Variants in RTN1 observed in about 807,000 individuals in gnomAD.
RTN1 encodes the protein reticulon 1.
Under a neutral mutation model 65.5 loss-of-function variants are expected in RTN1, and 25 were observed. That is an observed-to-expected ratio of 0.38 (90% CI 0.28 to 0.53). The LOEUF is 0.53. Among genes scored for constraint, RTN1 ranks in the 20% least tolerant of loss-of-function variants. RTN1 has a pLI of 0.79. For missense variants in RTN1, 983 were observed against 1,025.4 expected (o/e 0.96, Z 0.57); for synonymous variants, 471 against 447.6 (o/e 1.05, Z -0.66).
At chr14:59,624,743 T>C (rs1057083471) in intron 3 of RTN1, among the ~76,000 whole-genome samples, 2 of 152,248 alleles carry the variant, frequency 1.3e-5, no homozygotes, top group African/African-American at 4.8e-5. Context: ...ATTACAGGCG[T>C]GAGCCAACTG....
intron 1 of RTN1, among the ~76,000 whole-genome samples, chr14:59,768,541 T>C (rs1276060689): frequency 6.6e-6 from 1 of 152,128 alleles, no homozygotes; most frequent in Admixed American, 6.5e-5. Context: ...GAGCCCTGGA[T>C]TGTGTGTAGA....
chr14:59,683,558 T>C (rs1342986110), intron 3 of RTN1, among the ~76,000 whole-genome samples: 1 of 152,150 alleles, frequency 6.6e-6, no homozygotes, highest in Non-Finnish European at 1.5e-5. Flanking sequence ...TCACAAATGA[T>C]GGCTTTTTAC....
At chr14:59,810,613 T>A (rs996539277) in intron 1 of RTN1, among the ~76,000 whole-genome samples, 3 of 152,100 alleles carry the variant, frequency 2.0e-5, no homozygotes, top group African/African-American at 2.4e-5. Context: ...TAAACAACTA[T>A]AAAAAGATGT....
chr14:59,648,995 TG>T (rs1398161541), intron 3 of RTN1, among the ~76,000 whole-genome samples: 1 of 152,206 alleles, frequency 6.6e-6, no homozygotes, highest in Non-Finnish European at 1.5e-5. Flanking sequence ...CCACTAGCTT[TG>T]TTCTTTTTAC....
At chr14:59,779,046 G>A (rs1423437229) in intron 1 of RTN1, among the ~76,000 whole-genome samples, 1 of 152,180 alleles carries the variant, frequency 6.6e-6, no homozygotes, top group Non-Finnish European at 1.5e-5. Context: ...GAAACTGGAA[G>A]ATCAGAATAG....
chr14:59,726,049 C>G (rs1188034117), intron 3 of RTN1, among the ~76,000 whole-genome samples: 1 of 152,180 alleles, frequency 6.6e-6, no homozygotes, highest in Non-Finnish European at 1.5e-5. Flanking sequence ...AGTTCTCTAA[C>G]TTCACCCATT....
At chr14:59,779,296 C>T (rs139894937) in intron 1 of RTN1, among the ~76,000 whole-genome samples, 3 of 151,814 alleles carry the variant, frequency 2.0e-5, no homozygotes, top group African/African-American at 4.8e-5. Context: ...TTCTGTCATA[C>T]GAAGGGGAGA....
At chr14:59,831,028 T>C (rs1050504150) in intron 1 of RTN1, among the ~76,000 whole-genome samples, 2 of 152,160 alleles carry the variant, frequency 1.3e-5, no homozygotes, top group African/African-American at 2.4e-5. Context: ...GTTAAAGGTA[T>C]CAGTTATGAG....
intron 1 of RTN1, among the ~76,000 whole-genome samples, chr14:59,869,338 T>A (rs1396470144): frequency 1.3e-5 from 2 of 150,354 alleles, no homozygotes; most frequent in African/African-American, 4.9e-5. Flanking sequence ...AGCTCTACAT[T>A]GCCAAAACTA....
At chr14:59,691,232 A>T (rs1167834439) in intron 3 of RTN1, among the ~76,000 whole-genome samples, 2 of 152,190 alleles carry the variant, frequency 1.3e-5, no homozygotes, top group Admixed American at 1.3e-4. Flanking sequence ...AATAAGCACA[A>T]TCAGTAGCAA....
chr14:59,723,302 A>G (rs1884685577), intron 3 of RTN1, among the ~76,000 whole-genome samples: 1 of 152,096 alleles, frequency 6.6e-6, no homozygotes, highest in African/African-American at 2.4e-5. Context: ...GCATACTGCC[A>G]TCGTCTAAAA....
chr14:59,700,320 A>G (rs1877814608), intron 3 of RTN1, among the ~76,000 whole-genome samples: 1 of 152,172 alleles, frequency 6.6e-6, no homozygotes, highest in Non-Finnish European at 1.5e-5. Flanking sequence ...CTACAGATTC[A>G]ATGCAGTTCC....
At chr14:59,755,744 A>G (rs147376315) in intron 1 of RTN1, among the ~76,000 whole-genome samples, 10 of 152,330 alleles carry the variant, frequency 6.6e-5, no homozygotes, top group African/African-American at 2.4e-4. Flanking sequence ...AACATGACAA[A>G]TGGGTACTGA....
chr14:59,683,694 C>A (rs1390352377), intron 3 of RTN1, among the ~76,000 whole-genome samples: 1 of 152,036 alleles, frequency 6.6e-6, no homozygotes, highest in Non-Finnish European at 1.5e-5. Flanking sequence ...CATAGTAGGT[C>A]CCTTGAAGGG....
Position 59,630,633 on chromosome 14 carries a change from C to G in RTN1, c.1766-23141G>C, listed in dbSNP as rs550019785. On this transcript the variant is annotated intron_variant, in intron 3 of 8. Transcript: ENST00000267484. The stretch of plus-strand genomic sequence containing the variant: ...CGGCTGCGGAGAGACTGAGGCTGCA[C>G]CAGGCGGCGCGCGGTGAGGGGCGGG... 4 of 1,376,166 alleles carry G rather than the reference C, an allele frequency of 2.9e-6. No homozygotes were observed. In the African/African-American group the frequency reaches 6.0e-5, roughly 21 times the overall value. 85.2% of individuals were successfully genotyped at this position (1,376,166 alleles called of 1,614,324 possible).
At chr14:59,702,711 C>G (rs1413203802) in intron 3 of RTN1, among the ~76,000 whole-genome samples, 1 of 152,222 alleles carries the variant, frequency 6.6e-6, no homozygotes, top group Non-Finnish European at 1.5e-5. Flanking sequence ...TCTGATGGGT[C>G]TTCTTACTTC....
chr14:59,610,391 T>G (rs1166408436), intron 3 of RTN1, among the ~76,000 whole-genome samples: 1 of 152,208 alleles, frequency 6.6e-6, no homozygotes, highest in Non-Finnish European at 1.5e-5. Context: ...TCTGGACACT[T>G]TGCAACAATA....
intron 1 of RTN1, among the ~76,000 whole-genome samples, chr14:59,853,668 G>A (rs1206059106): frequency 1.3e-5 from 2 of 151,940 alleles, no homozygotes; most frequent in Admixed American, 6.6e-5. Context: ...TCGAGTTAAC[G>A]AGACTTAACA....
intron 3 of RTN1, among the ~76,000 whole-genome samples, chr14:59,625,406 C>A (rs1882368603): frequency 1.3e-5 from 2 of 152,116 alleles, no homozygotes; most frequent in Non-Finnish European, 2.9e-5. Flanking sequence ...AAAAATGATT[C>A]AAACCTTTTG....
Sources: gnomAD v4.1 joint callset for allele counts (sites outside exome capture counted in the v4.1 genomes callset) on GRCh38, gnomAD v4.1.1 for gene constraint, MANE v1.5 for transcripts, NCBI Gene and HGNC (gene_info 2026-07-23, HGNC 2026-07-21) for gene names.